The following MCU variants were observed in gnomAD, a reference collection of about 807,000 sequenced individuals.
The protein encoded by MCU is mitochondrial calcium uniporter.
MCU carries 12 observed loss-of-function variants against 45.2 expected under a neutral mutation model. That is an observed-to-expected ratio of 0.27 (90% CI 0.17 to 0.43). MCU has a LOEUF of 0.43. Ranked by LOEUF, MCU falls within the 20% of genes least tolerant of loss-of-function variation. MCU has a pLI of 1.00. For missense variants in MCU, 324 were observed against 436.7 expected, an observed-to-expected ratio of 0.74 and a Z score of 2.30; for synonymous variants, 160 against 165.1, an observed-to-expected ratio of 0.97 and a Z score of 0.24.
At chr10:72,817,188 T>C (rs945569192) in intron 1 of MCU, among the ~76,000 whole-genome samples, 1 of 152,180 alleles carries the variant, frequency 6.6e-6, no homozygotes, top group Admixed American at 6.5e-5. Context: ...ATATTTCAAG[T>C]AGAGTAATTT....
intron 1 of MCU, among the ~76,000 whole-genome samples, chr10:72,719,455 T>C (rs1446833585): frequency 6.6e-6 from 1 of 152,250 alleles, no homozygotes; most frequent in Non-Finnish European, 1.5e-5. Context: ...GGTATTCTTT[T>C]AGTACAGTAA....
intron 1 of MCU, among the ~76,000 whole-genome samples, chr10:72,706,487 G>A (rs899393578): frequency 6.7e-5 from 10 of 149,160 alleles, no homozygotes; most frequent in African/African-American, 2.0e-4. Flanking sequence ...CAAAAGTGTC[G>A]GTATTTATTT....
At chr10:72,760,577 T>C (rs1306880154) in intron 1 of MCU, 2 of 152,078 alleles carry the variant, frequency 1.3e-5, no homozygotes, top group African/African-American at 4.8e-5. Flanking sequence ...TCACCCAGGC[T>C]GAAGTGCGGT....
rs547089939 is a variant in MCU, at chr10:72,692,278, C to T, written c.127C>T (p.Arg43Trp). 1.6e-6 allele frequency: 2 copies of T among 1,227,218 alleles called. No individual in the cohort carries two copies. The highest frequency in any genetic ancestry group is 1.6e-5 in the African/African-American group (1 of 64,038). The allele number at this position is 1,227,218 out of a possible 1,614,324, so 76.0% of individuals were successfully genotyped here. Residue 43 changes from arginine (R) to tryptophan (W), a missense_variant, in exon 1 of 8, where the codon CGG becomes TGG. Transcript: ENST00000373053. ...CFPGLGVSRH[R>W]QQQHHRTVHQ... Reference sequence around the variant, plus strand: ...CCCTGGGCTGGGCGTCAGCCGCCACCGGCAGCAGCAGCACCACCGGACGGT... The same window carrying T: ...CCCTGGGCTGGGCGTCAGCCGCCACTGGCAGCAGCAGCACCACCGGACGGT...
At chr10:72,761,694 G>T (rs1003003764) in intron 1 of MCU, among the ~76,000 whole-genome samples, 7 of 152,088 alleles carry the variant, frequency 4.6e-5, no homozygotes, top group African/African-American at 1.7e-4. Context: ...GGCTACAGGT[G>T]GTTTGGTTAC....
At chr10:72,870,612 AC>A (rs1229733859) in intron 5 of MCU, among the ~76,000 whole-genome samples, 1 of 152,144 alleles carries the variant, frequency 6.6e-6, no homozygotes, top group Admixed American at 6.5e-5. Flanking sequence ...AATCTTTGGA[AC>A]AACTCTTTAA....
intron 1 of MCU, among the ~76,000 whole-genome samples, chr10:72,790,516 A>G (rs1360573535): frequency 1.3e-5 from 2 of 152,200 alleles, no homozygotes; most frequent in Non-Finnish European, 2.9e-5. Context: ...TTAAAAAAAG[A>G]CTGCAACATA....
intron 1 of MCU, among the ~76,000 whole-genome samples, chr10:72,721,882 G>A (rs1344928271): frequency 1.3e-5 from 2 of 152,114 alleles, no homozygotes; most frequent in East Asian, 1.9e-4. Flanking sequence ...TGTTTGAAAC[G>A]AAAATATCTG....
At chr10:72,799,119 G>T (rs1206870670) in intron 1 of MCU, among the ~76,000 whole-genome samples, 1 of 151,776 alleles carries the variant, frequency 6.6e-6, no homozygotes, top group Non-Finnish European at 1.5e-5. Context: ...TAGAGACGGG[G>T]TTTCACCATA....
intron 1 of MCU, among the ~76,000 whole-genome samples, chr10:72,713,960 TG>T: frequency 6.6e-6 from 1 of 150,664 alleles, no homozygotes; most frequent in Admixed American, 6.6e-5. Context: ...TGTGTGTGTG[TG>T]TGTGTGTGTG....
chr10:72,874,478 T>A (rs1845590838), intron 6 of MCU, among the ~76,000 whole-genome samples: 1 of 152,250 alleles, frequency 6.6e-6, no homozygotes, highest in Non-Finnish European at 1.5e-5. Context: ...TTAATATGGC[T>A]GCTATTGAAC....
intron 4 of MCU, among the ~76,000 whole-genome samples, chr10:72,865,775 G>GTTTTTTTTTTTTTGT (rs557281847): frequency 8.1e-6 from 1 of 123,638 alleles, no homozygotes; most frequent in African/African-American, 3.0e-5. Context: ...TTTTTTTTTT[G>GTTTTTTTTTTTTTGT]TTTTTTTTTT....
At chr10:72,749,765 C>T (rs1843467217) in intron 1 of MCU, among the ~76,000 whole-genome samples, 1 of 151,942 alleles carries the variant, frequency 6.6e-6, no homozygotes, top group African/African-American at 2.4e-5. Flanking sequence ...TGTAGCTTTG[C>T]TACCTTCTTT....
chr10:72,776,257 C>G (rs965078890), intron 1 of MCU, among the ~76,000 whole-genome samples: 3 of 151,880 alleles, frequency 2.0e-5, no homozygotes, highest in African/African-American at 7.3e-5. Context: ...CAGATAAGGA[C>G]CCAAGAAAAG....
chr10:72,854,461 G>GA (rs1428178292), intron 2 of MCU, among the ~76,000 whole-genome samples: 1 of 152,144 alleles, frequency 6.6e-6, no homozygotes, highest in Non-Finnish European at 1.5e-5. Flanking sequence ...AATATATGTA[G>GA]AAAAACGTGT....
At chr10:72,858,261 A>T (rs1413511183) in intron 2 of MCU, among the ~76,000 whole-genome samples, 1 of 152,218 alleles carries the variant, frequency 6.6e-6, no homozygotes, top group African/African-American at 2.4e-5. Flanking sequence ...ACTGATCTTC[A>T]TGCCCCTTCA....
Position 72,868,788 on chromosome 10 carries a change from G to A in MCU, c.582G>A (p.Gln194=), listed in dbSNP as rs1845497581. 1 of 1,614,050 alleles carries A rather than the reference G, an allele frequency of 6.2e-7. No individual in the cohort carries two copies. The highest frequency in any genetic ancestry group is 1.3e-5 in the African/African-American group (1 of 74,912). The change falls in exon 5 of 8, where the codon CAG becomes CAA. Residue 194 remains glutamine (Q), a synonymous_variant. Coordinates refer to ENST00000373053, the MANE Select transcript of MCU (RefSeq NM_138357.3). ...QQLYTTLCIE[Q]HQLNKERELI... ...TATACACCACACTGTGCATTGAGCA[G>A]CACCAGTTAAACAAGGAAAGGGAGC... is the stretch of plus-strand genomic sequence containing the variant.
intron 1 of MCU, among the ~76,000 whole-genome samples, chr10:72,819,787 A>G (rs1844683062): frequency 7.1e-6 from 1 of 139,868 alleles, no homozygotes; most frequent in African/African-American, 2.8e-5. Context: ...CTTCATTCAT[A>G]AAAAGTTCAT....
chr10:72,879,309 G>T (rs1193771081), intron 6 of MCU, among the ~76,000 whole-genome samples: 1 of 152,038 alleles, frequency 6.6e-6, no homozygotes, highest in African/African-American at 2.4e-5. Context: ...TATATTGGTA[G>T]TAAAACTTCA....
Sources: gnomAD v4.1 joint callset for allele counts (sites outside exome capture counted in the v4.1 genomes callset) on GRCh38, gnomAD v4.1.1 for gene constraint, MANE v1.5 for transcripts, NCBI Gene and HGNC (gene_info 2026-07-23, HGNC 2026-07-21) for gene names.